PLAC1: variants seen among roughly 807,000 people sequenced by gnomAD.
PLAC1 encodes placenta-specific protein 1.
For synonymous variants in PLAC1, 68 were observed against 62.1 expected (o/e 1.09, Z -0.44); for missense variants, 136 against 163.2 (o/e 0.83, Z 0.91).
intron 1 of PLAC1, among the ~76,000 whole-genome samples, chrX:134,629,444 CATTATT>C (rs760396354): frequency 1.8e-5 from 2 of 110,645 alleles, no homozygotes; most frequent in African/African-American, 3.3e-5. Flanking sequence ...CAGGCGGTCC[CATTATT>C]ATTATTATTA....
At chrX:134,662,148 G>A (rs967776319), upstream of PLAC1, among the ~76,000 whole-genome samples, 4 of 111,010 alleles carry the variant, frequency 3.6e-5, no homozygotes, top group East Asian at 5.7e-4. Context: ...CAGGAGGATC[G>A]TTTGAGCCCA....
chrX:134,663,465 C>T (rs989226257), upstream of PLAC1, among the ~76,000 whole-genome samples: 2 of 112,747 alleles, frequency 1.8e-5, no homozygotes, highest in African/African-American at 6.4e-5. Context: ...CGCGCGTGCA[C>T]GTGTGCACAC....
At chrX:134,732,439 A>G (rs1016517747) in intron 2 of PLAC1, among the ~76,000 whole-genome samples, 5 of 111,675 alleles carry the variant, frequency 4.5e-5, no homozygotes, top group African/African-American at 1.6e-4. Flanking sequence ...ACCATTCATA[A>G]TTAATGCATT....
intron 2 of PLAC1, among the ~76,000 whole-genome samples, chrX:134,591,626 G>A (rs1198707137): frequency 8.9e-6 from 1 of 112,675 alleles, no homozygotes; most frequent in Non-Finnish European, 1.9e-5. Context: ...GAGAATTTGT[G>A]TGGACATAAG....
intron 1 of PLAC1, among the ~76,000 whole-genome samples, chrX:134,609,402 T>A (rs1602834103): frequency 2.7e-5 from 3 of 112,405 alleles, no homozygotes; most frequent in African/African-American, 9.7e-5. Flanking sequence ...TCTGCCTTGG[T>A]CACTGCTTAG....
intron 1 of PLAC1, among the ~76,000 whole-genome samples, chrX:134,739,351 C>A (rs1324120627): frequency 8.9e-6 from 1 of 111,903 alleles, no homozygotes; most frequent in Non-Finnish European, 1.9e-5. Context: ...AAAGTGGGAA[C>A]TTTTTTTTGA....
chrX:134,739,225 T>TGG (rs2078711044), intron 1 of PLAC1, among the ~76,000 whole-genome samples: 1 of 112,290 alleles, frequency 8.9e-6, no homozygotes, highest in East Asian at 2.8e-4. Flanking sequence ...TGACACTAAA[T>TGG]GGTTTTAAAA....
intron 1 of PLAC1, among the ~76,000 whole-genome samples, chrX:134,608,463 TATCCAGAATGTTCAC>T (rs776956746): frequency 7.3e-4 from 81 of 111,588 alleles, no homozygotes; most frequent in Non-Finnish European, 1.2e-3. Context: ...TTACATGAAA[TATCCAGAATGTTCAC>T]ATCCACAGAT....
rs145236008 is a variant in PLAC1 at position 134,652,970 on chromosome X, G to C, written c.-131+5358C>G. 1.9e-3 allele frequency among the ~76,000 whole-genome samples: 211 copies of C among 112,017 alleles called. 1 individual carries two copies. Among genetic ancestry groups the C allele is most frequent in the Non-Finnish European group, 2.7e-3 (146 of 53,165 alleles). On this transcript the variant is annotated intron_variant, in intron 1 of 2. Coordinates refer to ENST00000359237, the MANE Select transcript of PLAC1 (RefSeq NM_021796.4). ...TCAGTCTGTGTCACTGCATAACAGC[G>C]CAGGTGGAAGTGTCCCTGGGCTAGC...
In PLAC1 at chrX:134,653,126, T is replaced by C. The variant is rs142288585; in HGVS notation, c.-131+5202A>G. Among the ~76,000 whole-genome samples, 528 of 112,534 alleles carry C rather than the reference T, an allele frequency of 4.7e-3. 2 individuals carry two copies. Among genetic ancestry groups the C allele is most frequent in the African/African-American group, 0.016 (505 of 31,031 alleles). On this transcript the variant is annotated intron_variant, in intron 1 of 2. Coordinates refer to ENST00000359237, the MANE Select transcript of PLAC1 (RefSeq NM_021796.4). ...CAGTCCAGGTGTGCCTGTGGGGCCA[T>C]ATATGAGAAGAGTCCTGGCCCAGGC... is the stretch of plus-strand genomic sequence containing the variant.
chrX:134,705,194 G>A (rs1360766310), intron 2 of PLAC1, among the ~76,000 whole-genome samples: 1 of 106,776 alleles, frequency 9.4e-6, no homozygotes, highest in Non-Finnish European at 1.9e-5. Flanking sequence ...GCCGAGGCAG[G>A]TGGATCATGA....
chrX:134,574,071 G>GTCTC (rs757647872), intron 2 of PLAC1, among the ~76,000 whole-genome samples: 5 of 99,768 alleles, frequency 5.0e-5, no homozygotes, highest in South Asian at 4.3e-4. Flanking sequence ...CTCTCTCTCT[G>GTCTC]TCTCTCTCTC....
chrX:134,565,913 T>C lies in PLAC1; in HGVS notation c.*131A>G, dbSNP rs1480214945. On this transcript the variant is annotated 3_prime_UTR_variant, in exon 3 of 3. Coordinates refer to ENST00000359237, the MANE Select transcript of PLAC1 (RefSeq NM_021796.4). ...AAAATATAGAAAAAGGCTTAATTCATGAAGTTGCTATAGGTTTCTCTTTCT... is the reference window on the plus strand; with the variant it reads ...AAAATATAGAAAAAGGCTTAATTCACGAAGTTGCTATAGGTTTCTCTTTCT... 14 of 473,672 alleles carry C rather than the reference T, an allele frequency of 3.0e-5. No individual in the cohort carries two copies. The highest frequency in any genetic ancestry group is 5.0e-5 in the Non-Finnish European group (14 of 280,077). The allele number at this position is 473,672 out of a possible 1,213,427, so 39.0% of individuals were successfully genotyped here. A position where few individuals can be genotyped will look rare whatever the true frequency, so the allele number is the denominator to read the frequency against.
chrX:134,660,785 T>C (rs1477818457), upstream of PLAC1, among the ~76,000 whole-genome samples: 1 of 111,855 alleles, frequency 8.9e-6, no homozygotes, highest in African/African-American at 3.3e-5. Flanking sequence ...TGGGAAACCA[T>C]GAGTCCTCTA....
At chrX:134,643,060 A>C (rs2078314693) in intron 1 of PLAC1, among the ~76,000 whole-genome samples, 1 of 112,106 alleles carries the variant, frequency 8.9e-6, no homozygotes, top group Non-Finnish European at 1.9e-5. Flanking sequence ...TATATTAAAA[A>C]GTATAAGAGA....
chrX:134,734,534 T>C (rs1232987791), intron 1 of PLAC1, among the ~76,000 whole-genome samples: 2 of 112,373 alleles, frequency 1.8e-5, no homozygotes, highest in African/African-American at 6.5e-5. Context: ...ATTCACTGTG[T>C]TTCAAGGCCT....
At chrX:134,636,827 A>G (rs2078285552) in intron 1 of PLAC1, among the ~76,000 whole-genome samples, 1 of 112,007 alleles carries the variant, frequency 8.9e-6, no homozygotes, top group Non-Finnish European at 1.9e-5. Context: ...TTGCAATCAG[A>G]CTAAATGATG....
intron 1 of PLAC1, among the ~76,000 whole-genome samples, chrX:134,609,163 A>T (rs879076731): frequency 9.0e-6 from 1 of 110,610 alleles, no homozygotes; most frequent in East Asian, 2.8e-4. Flanking sequence ...TCTGCTAGTA[A>T]TGTCATTGTC....
At chrX:134,726,989 G>A (rs1391350601) in intron 2 of PLAC1, among the ~76,000 whole-genome samples, 1 of 109,274 alleles carries the variant, frequency 9.2e-6, no homozygotes, top group African/African-American at 3.3e-5. Flanking sequence ...CCCCCATCCA[G>A]TGCTGGAGAC....
Sources: allele counts gnomAD v4.1 joint callset (sites outside exome capture counted in the v4.1 genomes callset), GRCh38; gene constraint gnomAD v4.1.1; transcripts MANE v1.5; gene names NCBI Gene and HGNC (gene_info 2026-07-23, HGNC 2026-07-21).